STUM: variants seen among roughly 807,000 people sequenced by gnomAD.
STUM encodes the protein stum, mechanosensory transduction mediator homolog.
A neutral mutation model predicts 15.3 loss-of-function variants in STUM; 8 were observed. The ratio of observed to expected loss-of-function variants is 0.52; its 90% CI spans 0.31 to 0.94. The LOEUF (loss-of-function observed/expected upper bound fraction) is 0.94, where lower values mean the gene tolerates loss of function less well. Among genes scored for constraint, STUM ranks in the 40% least tolerant of loss-of-function variants. STUM has a pLI of 0.05. For missense variants in STUM, 142 were observed against 204.9 expected (o/e 0.69, Z 1.87); for synonymous variants, 78 against 88.7 (o/e 0.88, Z 0.68).
intron 1 of STUM, among the ~76,000 whole-genome samples, chr1:226,577,507 A>G (rs1231519795): frequency 6.6e-6 from 1 of 151,906 alleles, no homozygotes; most frequent in Non-Finnish European, 1.5e-5. Flanking sequence ...TCTCACACAC[A>G]CACACACACA....
At chr1:226,592,078 C>T (rs1471245187) in intron 1 of STUM, among the ~76,000 whole-genome samples, 1 of 152,198 alleles carries the variant, frequency 6.6e-6, no homozygotes, top group Non-Finnish European at 1.5e-5. Context: ...GATGGAGTCT[C>T]ACTCTGTCAC....
rs1668365070 is a variant in STUM at position 226,606,706 on chromosome 1, G to C, written c.*4666G>C. The stretch of plus-strand genomic sequence containing the variant: ...GAGACCATGACCTTGTATGTGGCTG[G>C]AGGCCTCAGGCTTAGGGAGCAGCCT... On this transcript the variant is annotated 3_prime_UTR_variant, in exon 4 of 4. Coordinates refer to ENST00000366788, the MANE Select transcript of STUM (RefSeq NM_001003665.4). The C allele has an allele frequency of 6.6e-6, 1 of 152,210 alleles. No individual in the cohort carries two copies. Among genetic ancestry groups the C allele is most frequent in the Non-Finnish European group, 1.5e-5 (1 of 68,066 alleles). 9.4% of individuals were successfully genotyped at this position (152,210 alleles called of 1,614,324 possible).
At chr1:226,560,330 C>T (rs887638815) in intron 1 of STUM, among the ~76,000 whole-genome samples, 10 of 152,134 alleles carry the variant, frequency 6.6e-5, no homozygotes, top group African/African-American at 1.4e-4. Flanking sequence ...GAAGGGTGAT[C>T]GTTTGGGAAC....
At chr1:226,587,914 C>T (rs766688190) in intron 1 of STUM, among the ~76,000 whole-genome samples, 81 of 152,156 alleles carry the variant, frequency 5.3e-4, no homozygotes, top group Admixed American at 5.9e-4. Flanking sequence ...GTGATGGGAT[C>T]ACAATGAAAT....
chr1:226,553,651 A>G (rs1379044343), intron 1 of STUM, among the ~76,000 whole-genome samples: 1 of 152,248 alleles, frequency 6.6e-6, no homozygotes, highest in Admixed American at 6.5e-5. Context: ...GCAGTCCAAA[A>G]TGTGGCCTGA....
rs1460989047 is a variant in STUM at position 226,603,077 on chromosome 1, AT to A, written c.*1041del. On this transcript the variant is annotated 3_prime_UTR_variant, in exon 4 of 4. Coordinates refer to ENST00000366788, the MANE Select transcript of STUM (RefSeq NM_001003665.4). ...AATAGCCTCACCTCAGTTCAGTCTA[AT>A]TTTGCCACTAAGTAACTTAGGGAAA... 1 of 152,220 alleles carries A rather than the reference AT, an allele frequency of 6.6e-6. No individual in the cohort carries two copies. The highest frequency in any genetic ancestry group is 1.5e-5 in the Non-Finnish European group (1 of 68,036). The allele number at this position is 152,220 out of a possible 1,614,324, so 9.4% of individuals were successfully genotyped here. A position where few individuals can be genotyped will look rare whatever the true frequency, so the allele number is the denominator to read the frequency against.
rs765722804 is a variant in STUM at position 226,600,726 on chromosome 1, C to T, written c.391+52C>T. The T allele has an allele frequency of 6.2e-7, 1 of 1,603,800 alleles. No individual in the cohort carries two copies. Among genetic ancestry groups the T allele is most frequent in the South Asian group, 1.1e-5 (1 of 90,988 alleles). ...CTCGTGCTGCTGCTTGGGGCCCTCC[C>T]CTCCCCCGAGACCCCCACTCCTGCA... On this transcript the variant is annotated intron_variant, in intron 3 of 3. Coordinates refer to ENST00000366788, the MANE Select transcript of STUM (RefSeq NM_001003665.4). This position sits in a 1 kb window ranked among gnomAD's most constrained non-coding sequence, Gnocchi z 5.2.
intron 1 of STUM, among the ~76,000 whole-genome samples, chr1:226,595,575 T>C (rs1317830042): frequency 2.6e-5 from 4 of 152,242 alleles, no homozygotes; most frequent in Non-Finnish European, 5.9e-5. Context: ...CCTGTGAATA[T>C]GCTACTTGAT....
chr1:226,549,160 T>TGGGGGGAGAGAAGGGCGC lies in STUM; in HGVS notation c.202+57_202+74dup. On this transcript the variant is annotated intron_variant, in intron 1 of 3. Transcript: ENST00000366788. The surrounding 1 kb of genome is among the most constrained non-coding windows in gnomAD (Gnocchi z 6.8). ...ACCCCCACCCCGCCGCGGGAGGGCGTGGGGGGAGAGAAGGGCGCGGCCGGA... is the reference window on the plus strand; with the variant it reads ...ACCCCCACCCCGCCGCGGGAGGGCGTGGGGGGAGAGAAGGGCGCGGGGGGAGAGAAGGGCGCGGCCGGA... 1.3e-6 allele frequency: 2 copies of TGGGGGGAGAGAAGGGCGC among 1,485,838 alleles called. No homozygotes were observed. The highest frequency in any genetic ancestry group is 1.8e-6 in the Non-Finnish European group (2 of 1,100,462). 92.0% of individuals were successfully genotyped at this position (1,485,838 alleles called of 1,614,324 possible).
chr1:226,592,398 A>G (rs1331041268), intron 1 of STUM, among the ~76,000 whole-genome samples: 2 of 152,104 alleles, frequency 1.3e-5, no homozygotes, highest in Admixed American at 6.5e-5. Flanking sequence ...ACTGAAAAGA[A>G]CTCAGCCTTC....
At chr1:226,570,909 G>T (rs1667699031) in intron 1 of STUM, among the ~76,000 whole-genome samples, 1 of 152,064 alleles carries the variant, frequency 6.6e-6, no homozygotes. Flanking sequence ...CAATGATATT[G>T]AAAAAGACTT....
intron 1 of STUM, among the ~76,000 whole-genome samples, chr1:226,592,358 A>AT (rs1668105039): frequency 6.6e-6 from 1 of 151,902 alleles, no homozygotes; most frequent in African/African-American, 2.4e-5. Flanking sequence ...CTTTTTCCTT[A>AT]TTTTTTAATG....
intron 1 of STUM, among the ~76,000 whole-genome samples, chr1:226,577,503 A>T (rs1571803885): frequency 6.7e-6 from 1 of 150,152 alleles, no homozygotes; most frequent in Non-Finnish European, 1.5e-5. Context: ...AGTTTCTCAC[A>T]CACACACACA....
chr1:226,570,311 G>A (rs1667687331), intron 1 of STUM, among the ~76,000 whole-genome samples: 1 of 152,212 alleles, frequency 6.6e-6, no homozygotes, highest in African/African-American at 2.4e-5. Context: ...CTTTTATGGA[G>A]CTGTGTGTTT....
Position 226,600,723 on chromosome 1 carries a change from TC to T in STUM, c.391+53del, listed in dbSNP as rs1668250715. Reference sequence around the variant, plus strand: ...GGCCTCGTGCTGCTGCTTGGGGCCCTCCCCTCCCCCGAGACCCCCACTCCTG... The same window carrying T: ...GGCCTCGTGCTGCTGCTTGGGGCCCTCCCTCCCCCGAGACCCCCACTCCTG... On this transcript the variant is annotated intron_variant, in intron 3 of 3. Transcript: ENST00000366788. This position sits in a 1 kb window ranked among gnomAD's most constrained non-coding sequence, Gnocchi z 5.2. 3 of 1,602,750 alleles carry T rather than the reference TC, an allele frequency of 1.9e-6. No individual in the cohort carries two copies. The highest frequency in any genetic ancestry group is 1.3e-5 in the African/African-American group (1 of 74,584).
intron 1 of STUM, among the ~76,000 whole-genome samples, chr1:226,568,716 G>A (rs923182619): frequency 6.6e-6 from 1 of 152,178 alleles, no homozygotes; most frequent in Non-Finnish European, 1.5e-5. Context: ...CATGTCCCTT[G>A]TCCCTTGACT....
At chr1:226,556,215 T>G (rs74350034) in intron 1 of STUM, among the ~76,000 whole-genome samples, 2,262 of 152,208 alleles carry the variant, frequency 0.015, 60 homozygotes, top group African/African-American at 0.052. Context: ...CTCAATAAAG[T>G]GTAGATAGCT....
Position 226,564,014 on chromosome 1 carries a change from G to A in STUM, c.202+14908G>A, listed in dbSNP as rs545437135. Among the ~76,000 whole-genome samples, 14 of 152,300 alleles carry A rather than the reference G, an allele frequency of 9.2e-5. No individual in the cohort carries two copies. The South Asian group carries it at 2.1e-3, about 23-fold the overall frequency. On this transcript the variant is annotated intron_variant, in intron 1 of 3. Coordinates refer to ENST00000366788, the MANE Select transcript of STUM (RefSeq NM_001003665.4). ...AAAAGGCTCGGGTGGTCTTGCGTCCGACTGCCCATGGCTGAACTCTGAGGC... is the reference window on the plus strand; with the variant it reads ...AAAAGGCTCGGGTGGTCTTGCGTCCAACTGCCCATGGCTGAACTCTGAGGC...
chr1:226,584,960 CCA>C (rs1043177283), intron 1 of STUM, among the ~76,000 whole-genome samples: 3 of 152,322 alleles, frequency 2.0e-5, no homozygotes, highest in African/African-American at 7.2e-5. Context: ...TTAATACACT[CCA>C]GTCTTTGTCC....
Sources: gnomAD v4.1 joint callset for allele counts (sites outside exome capture counted in the v4.1 genomes callset) on GRCh38, gnomAD v4.1.1 for gene constraint, Gnocchi (gnomAD v3.1) non-coding constraint, MANE v1.5 for transcripts, NCBI Gene and HGNC (gene_info 2026-07-23, HGNC 2026-07-21) for gene names.